The following MAPKBP1 variants were observed in gnomAD, a reference collection of about 807,000 sequenced individuals.
The protein encoded by MAPKBP1 is mitogen-activated protein kinase-binding protein 1.
MAPKBP1 carries 71 observed loss-of-function variants against 170.5 expected under a neutral mutation model. That is an observed-to-expected ratio of 0.42 (90% CI 0.34 to 0.51). The LOEUF (loss-of-function observed/expected upper bound fraction) is 0.51, where lower values mean the gene tolerates loss of function less well. Ranked by LOEUF, MAPKBP1 falls within the 20% of genes least tolerant of loss-of-function variation. The pLI is 0.06. For synonymous variants in MAPKBP1, 719 were observed against 757.9 expected, an observed-to-expected ratio of 0.95 and a Z score of 0.84; for missense variants, 1,598 against 1,933.0, an observed-to-expected ratio of 0.83 and a Z score of 3.25.
chr15:41,824,340 G>T, intron 29 of MAPKBP1, 144 bp from the exon 30 acceptor site: 5 of 833,718 alleles, frequency 6.0e-6, no homozygotes, highest in Non-Finnish European at 9.2e-6. Context: ...GAGGCCGTTG[G>T]AAGAGAAGCC....
At position 41,825,284 on chromosome 15, in the gene MAPKBP1, C is replaced by A. The variant is rs1057519304; in HGVS notation, c.4375C>A (p.Arg1459=). The change falls in exon 31 of 31, where the codon CGA becomes AGA. Residue 1459 remains arginine, a synonymous_variant. Coordinates refer to ENST00000457542, the MANE Select transcript of MAPKBP1 (RefSeq NM_014994.3). ...CCTCAGAGACACCTTCTCTTCAGTG[C>A]GACAGGAGCTGGAAGCTGTGGCTGG... ...QLLRDTFSSV[R]QELEAVAGAV... 6.2e-7 allele frequency: 1 copy of A among 1,612,192 alleles called. No individual in the cohort carries two copies.
At position 41,818,413 on chromosome 15, in the gene MAPKBP1, T is replaced by C. The variant is rs778342004; in HGVS notation, c.2093-106T>C. 9.8e-5 allele frequency: 136 copies of C among 1,386,502 alleles called. No homozygotes were observed. Among genetic ancestry groups the C allele is most frequent in the Non-Finnish European group, 7.6e-5 (75 of 984,188 alleles). 85.9% of individuals were successfully genotyped at this position (1,386,502 alleles called of 1,614,324 possible). On this transcript the variant is annotated intron_variant, in intron 18 of 30. Transcript: ENST00000457542. The surrounding 1 kb of genome is among the most constrained non-coding windows in gnomAD (Gnocchi z 5.2). Reference sequence around the variant, plus strand: ...ATTAGTTTCTTGGGACCCGCAGAGCTACCTATCCCTACCCTGCAGCCAACC... The same window carrying C: ...ATTAGTTTCTTGGGACCCGCAGAGCCACCTATCCCTACCCTGCAGCCAACC...
chr15:41,811,863 C>A, intron 5 of MAPKBP1, 94 bp from the exon 6 acceptor site: 1 of 1,280,580 alleles, frequency 7.8e-7, no homozygotes, highest in Non-Finnish European at 1.1e-6. Context: ...TATCTAGTAG[C>A]TGAGGAGGCG....
chr15:41,823,589 T>G lies in MAPKBP1; in HGVS notation c.3741T>G (p.Ser1247Arg). Residue 1247 changes from serine to arginine, a missense_variant, in exon 29 of 31, where the codon AGT becomes AGG. By Grantham distance (110) the Ser-to-Arg change is moderately radical. This residue lies in a region of MAPKBP1 where 942 missense variants were observed against 953.2 expected (regional missense o/e 0.99). Transcript: ENST00000457542. ...RPHSYQNPTT[S>R]SMAKISRSIS... is the part of the protein sequence containing the mutation. ...ACTCCTATCAGAACCCCACCACCAG[T>G]TCCATGGCCAAGATATCCCGCAGTA... 1.2e-6 allele frequency: 2 copies of G among 1,614,108 alleles called. No homozygotes were observed. The highest frequency in any genetic ancestry group is 1.3e-5 in the African/African-American group (1 of 75,024).
Position 41,780,088 on chromosome 15 carries a change from G to A in MAPKBP1, c.114+4699G>A, listed in dbSNP as rs545482273. 2.6e-5 allele frequency among the ~76,000 whole-genome samples: 4 copies of A among 152,308 alleles called. No individual in the cohort carries two copies. The South Asian group carries it at 6.2e-4, about 24-fold the overall frequency. ...ATAGCCCAGCCTCTTCAGGCTGGGA[G>A]TTGTCTTTCGAAACCTCCTCTCACC... On this transcript the variant is annotated intron_variant, in intron 2 of 30. Coordinates refer to ENST00000457542, the MANE Select transcript of MAPKBP1 (RefSeq NM_014994.3).
Position 41,822,773 on chromosome 15 carries a change from C to A in MAPKBP1, c.3314+96C>A, listed in dbSNP as rs550317082. 5 of 1,508,758 alleles carry A rather than the reference C, an allele frequency of 3.3e-6. No individual in the cohort carries two copies. The East Asian group carries it at 9.1e-5, about 27-fold the overall frequency. The allele number at this position is 1,508,758 out of a possible 1,614,324, so 93.5% of individuals were successfully genotyped here. On this transcript the variant is annotated intron_variant, in intron 27 of 30. Transcript: ENST00000457542. Reference sequence around the variant, plus strand: ...CTCCAGTGTTCTGTCTCTCCATGCGCGGGGTGTTTTGCACTCCCAGTTTTG... The same window carrying A: ...CTCCAGTGTTCTGTCTCTCCATGCGAGGGGTGTTTTGCACTCCCAGTTTTG...
At chr15:41,790,012 AC>A (rs1375841904) in intron 2 of MAPKBP1, among the ~76,000 whole-genome samples, 1 of 152,168 alleles carries the variant, frequency 6.6e-6, no homozygotes, top group Non-Finnish European at 1.5e-5. Flanking sequence ...TCTTCCACTC[AC>A]TACTTACTCT....
In MAPKBP1 at chr15:41,815,222, G is replaced by A. The variant is rs778812927; in HGVS notation, c.1171-37G>A. The A allele has an allele frequency of 3.5e-5, 57 of 1,612,402 alleles. No individual in the cohort carries two copies. The East Asian group carries it at 6.5e-4, about 18-fold the overall frequency. On this transcript the variant is annotated intron_variant, in intron 10 of 30. Transcript: ENST00000457542. ...CTTGGGTAGGCAGAGGACTGCTCCC[G>A]AATGGAGGTCTGATTGTGTTCCCTC...
chr15:41,821,675 A>G lies in MAPKBP1; in HGVS notation c.2810A>G (p.Gln937Arg), dbSNP rs756075090. ...TCACAAGAGGAAGGGGTCTTTGCCC[A>G]AGATCTGGAACCTGCACCCATTGAA... ...LLSQEEGVFAQDLEPAPIEDG... is the reference protein window; with the variant it reads ...LLSQEEGVFARDLEPAPIEDG... The change falls in exon 24 of 31, where the codon CAA becomes CGA. Residue 937 changes from glutamine to arginine, a missense_variant. Physicochemically the swap from Gln to Arg is conservative, Grantham distance 43 (BLOSUM62 1). Transcript: ENST00000457542. 5 of 1,614,042 alleles carry G rather than the reference A, an allele frequency of 3.1e-6. No homozygotes were observed. Among genetic ancestry groups the G allele is most frequent in the Non-Finnish European group, 4.2e-6 (5 of 1,180,032 alleles).
intron 21 of MAPKBP1, 38 bp from the exon 22 acceptor site, chr15:41,819,557 G>GGGGCCC: frequency 7.2e-7 from 1 of 1,384,618 alleles, no homozygotes; most frequent in Non-Finnish European, 1.0e-6. Flanking sequence ...CGGGGGGGGG[G>GGGGCCC]CAGGAGACAC....
At chr15:41,812,896 G>T (rs757548752) in intron 7 of MAPKBP1, 23 bp from the exon 8 acceptor site, 4 of 1,578,440 alleles carry the variant, frequency 2.5e-6, no homozygotes, top group Non-Finnish European at 2.6e-6. Context: ...GGATGGGGGT[G>T]TAACAGTGGT....
At chr15:41,810,836 G>A in intron 3 of MAPKBP1, 47 bp from the exon 4 acceptor site, 1 of 1,585,168 alleles carries the variant, frequency 6.3e-7, no homozygotes, top group Non-Finnish European at 8.7e-7. Flanking sequence ...GGGCTCCTGG[G>A]GGAGCTGTGG....
chr15:41,797,974 G>C (rs1193256245), intron 2 of MAPKBP1, among the ~76,000 whole-genome samples: 1 of 152,004 alleles, frequency 6.6e-6, no homozygotes, highest in African/African-American at 2.4e-5. Context: ...GGTTCAGCCG[G>C]GTGCGGTGGC....
chr15:41,819,570 C>T (rs1884589709), intron 21 of MAPKBP1, 25 bp from the exon 22 acceptor site: 1 of 1,571,956 alleles, frequency 6.4e-7, no homozygotes, highest in Non-Finnish European at 8.7e-7. Context: ...GGAGACACTT[C>T]CTCTGACTGC....
chr15:41,822,373 G>A lies in MAPKBP1; in HGVS notation c.3180G>A (p.Glu1060=), dbSNP rs962639287. ...QEGSPQTPDQ[E]QFLKQHFETL... ...GCAGCCCCCAGACTCCAGACCAGGA[G>A]CAGTTTCTAAAACAGCACTTTGAGA... The change falls in exon 26 of 31, where the codon GAG becomes GAA. Residue 1060 remains glutamate, a synonymous_variant. Coordinates refer to ENST00000457542, the MANE Select transcript of MAPKBP1 (RefSeq NM_014994.3). 6.2e-7 allele frequency: 1 copy of A among 1,614,066 alleles called. No individual in the cohort carries two copies. Among genetic ancestry groups the A allele is most frequent in the Non-Finnish European group, 8.5e-7 (1 of 1,180,008 alleles).
At chr15:41,823,270 A>T in intron 28 of MAPKBP1, 48 bp downstream of exon 28, 1 of 1,585,564 alleles carries the variant, frequency 6.3e-7, no homozygotes, top group Non-Finnish European at 8.6e-7. Flanking sequence ...TGTATGGAAC[A>T]CATGTACATG....
At chr15:41,824,738 T>C (rs1459746228) in intron 30 of MAPKBP1, among the ~76,000 whole-genome samples, 169 bp downstream of exon 30, 6 of 152,198 alleles carry the variant, frequency 3.9e-5, no homozygotes, top group Non-Finnish European at 7.4e-5. Flanking sequence ...GCTAGCCTCT[T>C]GTACCGGGCA....
chr15:41,808,793 C>A (rs953238729), intron 3 of MAPKBP1, among the ~76,000 whole-genome samples: 1 of 152,042 alleles, frequency 6.6e-6, no homozygotes, highest in African/African-American at 2.4e-5. Flanking sequence ...CTTTTTAAAA[C>A]CCTCCTGACT....
chr15:41,804,809 T>C (rs2064661590), intron 3 of MAPKBP1, among the ~76,000 whole-genome samples: 1 of 152,248 alleles, frequency 6.6e-6, no homozygotes, highest in South Asian at 2.1e-4. Flanking sequence ...ATCTGTTCCC[T>C]GACCTTTTGA....
Sources: allele counts gnomAD v4.1 joint callset (sites outside exome capture counted in the v4.1 genomes callset), GRCh38; gene constraint gnomAD v4.1.1; regional missense constraint gnomAD v4.1.1; non-coding constraint Gnocchi (gnomAD v3.1); transcripts MANE v1.5; gene names NCBI Gene and HGNC (gene_info 2026-07-23, HGNC 2026-07-21).